Variants in SEPTIN2 observed in about 807,000 individuals in gnomAD.
SEPTIN2 encodes the protein septin 2, also known as septin-2.
A neutral mutation model predicts 46.5 loss-of-function variants in SEPTIN2; 34 were observed. The observed-to-expected ratio is 0.73, with a 90% CI of 0.56 to 0.97. SEPTIN2 has a LOEUF of 0.97. Ranked by LOEUF, SEPTIN2 falls within the 50% of genes least tolerant of loss-of-function variation. The probability of loss-of-function intolerance (pLI) is 0.00; values close to 1 mark genes in which losing one functional copy is unlikely to be tolerated. For synonymous variants in SEPTIN2, 175 were observed against 153.4 expected (o/e 1.14, Z -1.04); for missense variants, 347 against 448.4 (o/e 0.77, Z 2.04).
Position 241,352,953 on chromosome 2 carries a change from G to A in SEPTIN2, c.*1016G>A, listed in dbSNP as rs1489996773. 6.6e-6 allele frequency: 1 copy of A among 152,262 alleles called. No homozygotes were observed. Among genetic ancestry groups the A allele is most frequent in the East Asian group, 1.9e-4 (1 of 5,206 alleles). 9.4% of individuals were successfully genotyped at this position (152,262 alleles called of 1,614,324 possible). A position where few individuals can be genotyped will look rare whatever the true frequency, so the allele number is the denominator to read the frequency against. On this transcript the variant is annotated 3_prime_UTR_variant, in exon 13 of 13. Coordinates refer to ENST00000391971, the MANE Select transcript of SEPTIN2 (RefSeq NM_004404.5). ...GCCTCCCCTGTGGAAATTGGGGTCTGTTGGTGGGCGTGCCCCTGAAGCCTG... is the reference window on the plus strand; with the variant it reads ...GCCTCCCCTGTGGAAATTGGGGTCTATTGGTGGGCGTGCCCCTGAAGCCTG...
At chr2:241,321,550 T>C (rs2077125040) in intron 1 of SEPTIN2, among the ~76,000 whole-genome samples, 1 of 152,150 alleles carries the variant, frequency 6.6e-6, no homozygotes, top group South Asian at 2.1e-4. Context: ...ATATACGTTA[T>C]AGCTGGACGG....
Position 241,326,076 on chromosome 2 carries a change from A to G in SEPTIN2, c.93A>G (p.Ser31=), listed in dbSNP as rs757016174. Reference sequence around the variant, plus strand: ...TCCCCAATCAAGTTCACCGAAAATCAGTGAAAAAAGGTTTTGAGTTCACAC... The same window carrying G: ...TCCCCAATCAAGTTCACCGAAAATCGGTGAAAAAAGGTTTTGAGTTCACAC... ...ANLPNQVHRK[S]VKKGFEFTLM... is the part of the protein sequence containing the mutation. Residue 31 remains serine (S), a synonymous_variant, in exon 3 of 13, where the codon TCA becomes TCG. Coordinates refer to ENST00000391971, the MANE Select transcript of SEPTIN2 (RefSeq NM_004404.5). 4.3e-6 allele frequency: 7 copies of G among 1,613,814 alleles called. No individual in the cohort carries two copies. The highest frequency in any genetic ancestry group is 1.7e-5 in the Admixed American group (1 of 60,006).
intron 1 of SEPTIN2, chr2:241,316,472 C>G (rs1349123519): frequency 2.6e-6 from 4 of 1,517,322 alleles, no homozygotes; most frequent in East Asian, 2.5e-5. Flanking sequence ...GGCTGGATGC[C>G]GTGGATAAGC....
chr2:241,340,463 C>T (rs772581384), intron 7 of SEPTIN2, among the ~76,000 whole-genome samples: 1 of 152,116 alleles, frequency 6.6e-6, no homozygotes, highest in Non-Finnish European at 1.5e-5. Flanking sequence ...TGTTTGGCAG[C>T]CTTTTCCTAA....
intron 1 of SEPTIN2, chr2:241,320,384 AT>A: frequency 2.2e-6 from 1 of 448,350 alleles, no homozygotes; most frequent in African/African-American, 2.0e-5. Flanking sequence ...TTTTTTCTGC[AT>A]TTTCAGATTT....
At chr2:241,332,780 C>G (rs967748603) in intron 3 of SEPTIN2, among the ~76,000 whole-genome samples, 6 of 152,202 alleles carry the variant, frequency 3.9e-5, no homozygotes, top group Non-Finnish European at 8.8e-5. Context: ...GGAATATTGC[C>G]AAGCACTACA....
intron 3 of SEPTIN2, among the ~76,000 whole-genome samples, chr2:241,328,309 G>A (rs1317577205): frequency 6.6e-6 from 1 of 152,068 alleles, no homozygotes; most frequent in Non-Finnish European, 1.5e-5. Context: ...GTGCATGCCT[G>A]TGACCCAGCT....
At chr2:241,317,646 C>T in intron 1 of SEPTIN2, 1 of 746,004 alleles carries the variant, frequency 1.3e-6, no homozygotes, top group Non-Finnish European at 1.6e-6. Context: ...ATACATGCCA[C>T]TTATCCCTGC....
chr2:241,332,163 TGAA>T (rs2079103195), intron 3 of SEPTIN2, among the ~76,000 whole-genome samples: 1 of 152,100 alleles, frequency 6.6e-6, no homozygotes, highest in African/African-American at 2.4e-5. Context: ...TCTTAAGACA[TGAA>T]GAATAGAAAT....
At chr2:241,317,535 ATTTT>A (rs750805176) in intron 1 of SEPTIN2, 102 of 946,928 alleles carry the variant, frequency 1.1e-4, no homozygotes, top group South Asian at 1.5e-4. Flanking sequence ...AGTTGTGGGT[ATTTT>A]TTTTTTTTTT....
At chr2:241,349,260 T>G (rs572192665) in intron 11 of SEPTIN2, among the ~76,000 whole-genome samples, 3 of 152,000 alleles carry the variant, frequency 2.0e-5, no homozygotes, top group East Asian at 3.9e-4. Flanking sequence ...TCCCAGCTAC[T>G]CGGGAGGCTG....
chr2:241,347,162 C>T (rs989022267), intron 10 of SEPTIN2, among the ~76,000 whole-genome samples: 1 of 152,010 alleles, frequency 6.6e-6, no homozygotes, highest in African/African-American at 2.4e-5. Context: ...GGGAGGATTC[C>T]TTGAGCCCAG....
intron 7 of SEPTIN2, among the ~76,000 whole-genome samples, chr2:241,340,654 A>G (rs2081128004): frequency 6.6e-6 from 1 of 152,212 alleles, no homozygotes; most frequent in Non-Finnish European, 1.5e-5. Context: ...TCAGGGTTAG[A>G]ATGCTGTAAT....
chr2:241,316,722 C>T (rs2076347588), intron 1 of SEPTIN2: 1 of 467,704 alleles, frequency 2.1e-6, no homozygotes, highest in African/African-American at 2.0e-5. Context: ...CGGTCTAATT[C>T]TTGTCAGTGC....
At chr2:241,349,269 T>C (rs1485055353) in intron 11 of SEPTIN2, among the ~76,000 whole-genome samples, 1 of 151,806 alleles carries the variant, frequency 6.6e-6, no homozygotes, top group Non-Finnish European at 1.5e-5. Context: ...CTCGGGAGGC[T>C]GAGGCAGAAG....
At chr2:241,338,808 A>C in intron 7 of SEPTIN2, among the ~76,000 whole-genome samples, 1 of 107,560 alleles carries the variant, frequency 9.3e-6, no homozygotes. Context: ...AATACATATT[A>C]TATTTATATT....
At chr2:241,349,970 G>C in intron 11 of SEPTIN2, 103 bp from the exon 12 acceptor site, 1 of 1,017,238 alleles carries the variant, frequency 9.8e-7, no homozygotes, top group Non-Finnish European at 1.5e-6. Flanking sequence ...GTCATATTTT[G>C]GGAAGGTGTA....
rs191983548 is a variant in SEPTIN2 at position 241,317,948 on chromosome 2, A to G, written c.-18+1966A>G. ...TTCATTTGACTACATTTTTGGTCCA[A>G]TTTGCACCCAGTGTTTAAGTTAATC... On this transcript the variant is annotated intron_variant, in intron 1 of 12. Coordinates refer to ENST00000391971, the MANE Select transcript of SEPTIN2 (RefSeq NM_004404.5). Among the ~76,000 whole-genome samples, 20 of 152,254 alleles carry G rather than the reference A, an allele frequency of 1.3e-4. No individual in the cohort carries two copies. In the South Asian group the frequency reaches 1.9e-3, roughly 14 times the overall value.
intron 1 of SEPTIN2, among the ~76,000 whole-genome samples, chr2:241,323,981 A>T (rs909966575): frequency 7.2e-5 from 11 of 152,234 alleles, no homozygotes; most frequent in African/African-American, 2.7e-4. Flanking sequence ...ATATACATCT[A>T]AACACAAAAG....
Sources: allele counts gnomAD v4.1 joint callset (sites outside exome capture counted in the v4.1 genomes callset), GRCh38; gene constraint gnomAD v4.1.1; transcripts MANE v1.5; gene names NCBI Gene and HGNC (gene_info 2026-07-23, HGNC 2026-07-21).